The following DPP6 variants were observed in gnomAD, a reference collection of about 807,000 sequenced individuals.
DPP6 encodes dipeptidyl peptidase like 6.
DPP6 carries 69 observed loss-of-function variants against 122.6 expected under a neutral mutation model. The ratio of observed to expected loss-of-function variants is 0.56; its 90% CI spans 0.46 to 0.69. DPP6 has a LOEUF of 0.69. Among genes scored for constraint, DPP6 ranks in the 30% least tolerant of loss-of-function variants. The pLI is 0.00. For synonymous variants in DPP6, 418 were observed against 433.1 expected, an observed-to-expected ratio of 0.97 and a Z score of 0.43; for missense variants, 928 against 1,116.9, an observed-to-expected ratio of 0.83 and a Z score of 2.41.
intron 1 of DPP6, among the ~76,000 whole-genome samples, chr7:154,442,591 G>T (rs1030156659): frequency 6.6e-6 from 1 of 152,152 alleles, no homozygotes; most frequent in Admixed American, 6.5e-5. Context: ...GGGTATGAGC[G>T]GAGTAGGGTA....
In DPP6 at chr7:154,755,474, CT is replaced by C. The variant is rs11316021; in HGVS notation, c.884-13936del. Reference sequence around the variant, plus strand: ...TGTGAGCTTCGGCACATTATTTAAACTTTTTTTCCCTTAGTTCCCTTAAGGG... The same window carrying C: ...TGTGAGCTTCGGCACATTATTTAAACTTTTTTCCCTTAGTTCCCTTAAGGG... On this transcript the variant is annotated intron_variant, in intron 8 of 25. Transcript: ENST00000377770. This position sits in a 1 kb window ranked among gnomAD's most constrained non-coding sequence, Gnocchi z 4.7. Among the ~76,000 whole-genome samples the C allele has an allele frequency of 0.41, 62,018 of 151,840 alleles. 14,022 individuals carry two copies. The highest frequency in any genetic ancestry group is 0.59 in the African/African-American group (24,445 of 41,372).
At chr7:154,587,505 C>A in intron 5 of DPP6, 3 of 823,292 alleles carry the variant, frequency 3.6e-6, no homozygotes, top group Non-Finnish European at 5.6e-6. Flanking sequence ...AAATATTGTA[C>A]CTCTGCTTGA....
chr7:154,249,229 T>G (rs1003881685), intron 1 of DPP6, among the ~76,000 whole-genome samples: 2 of 152,230 alleles, frequency 1.3e-5, no homozygotes, highest in Non-Finnish European at 2.9e-5. Flanking sequence ...GCTCTCTCTT[T>G]CAACATATTA....
At chr7:154,889,945 T>C (rs1249431706) in intron 25 of DPP6, 5 of 196,920 alleles carry the variant, frequency 2.5e-5, no homozygotes, top group Non-Finnish European at 5.2e-5. Context: ...TGCTTCCCTC[T>C]GACCAACACC....
chr7:154,575,442 G>GGGTGTGTGTGTGTGTGGTA (rs1586663103), intron 5 of DPP6, among the ~76,000 whole-genome samples: 2 of 104,746 alleles, frequency 1.9e-5, no homozygotes, highest in East Asian at 3.4e-4. Flanking sequence ...TATGTGTGTG[G>GGGTGTGTGTGTGTGTGGTA]TGTGTGTATG....
At chr7:154,639,201 A>G (rs1031975538) in intron 6 of DPP6, among the ~76,000 whole-genome samples, 4 of 152,364 alleles carry the variant, frequency 2.6e-5, no homozygotes, top group Admixed American at 6.5e-5. Context: ...CAAAGGGAAG[A>G]CGCATGTGGA....
At chr7:154,689,556 AT>A (rs59359798) in intron 7 of DPP6, among the ~76,000 whole-genome samples, 8,252 of 152,070 alleles carry the variant, frequency 0.054, 307 homozygotes, top group African/African-American at 0.1. Flanking sequence ...ACCTAGCTAG[AT>A]TTTTTTAACA....
intron 1 of DPP6, among the ~76,000 whole-genome samples, chr7:154,219,711 A>G (rs1239927611): frequency 6.6e-6 from 1 of 151,720 alleles, no homozygotes; most frequent in East Asian, 1.9e-4. Context: ...TCAGCCTCCC[A>G]AGTAGCTGGG....
At chr7:154,847,249 A>G (rs188915549) in intron 16 of DPP6, among the ~76,000 whole-genome samples, 22 of 152,322 alleles carry the variant, frequency 1.4e-4, no homozygotes, top group Admixed American at 1.4e-3. Context: ...GACCGTACCA[A>G]ATATGTTACA....
chr7:154,341,206 T>C lies in DPP6; in HGVS notation c.244-105008T>C, dbSNP rs533716215. Among the ~76,000 whole-genome samples, 450 of 152,204 alleles carry C rather than the reference T, an allele frequency of 3.0e-3. 3 individuals are homozygous for C. The highest frequency in any genetic ancestry group is 0.01 in the African/African-American group (426 of 41,532). Reference sequence around the variant, plus strand: ...TGATGCCAAATAGGGTTTTTAAGAATGGGGCGAAAGGTGAAGGTGTCAAGT... The same window carrying C: ...TGATGCCAAATAGGGTTTTTAAGAACGGGGCGAAAGGTGAAGGTGTCAAGT... On this transcript the variant is annotated intron_variant, in intron 1 of 25. Coordinates refer to ENST00000377770, the MANE Select transcript of DPP6 (RefSeq NM_130797.4).
intron 4 of DPP6, among the ~76,000 whole-genome samples, chr7:154,558,836 T>C (rs1184827923): frequency 6.6e-6 from 1 of 152,230 alleles, no homozygotes; most frequent in Admixed American, 6.5e-5. Context: ...CACTATGGAA[T>C]AACCCTTAAA....
intron 1 of DPP6, among the ~76,000 whole-genome samples, chr7:153,924,140 G>C (rs1800778772): frequency 6.6e-6 from 1 of 151,138 alleles, no homozygotes; most frequent in South Asian, 2.1e-4. Context: ...TTTTCGAGAC[G>C]GAGTCTTGCT....
At chr7:154,051,665 G>T (rs1169112183), upstream of DPP6, among the ~76,000 whole-genome samples, 36 of 150,846 alleles carry the variant, frequency 2.4e-4, no homozygotes, top group East Asian at 6.8e-3. Context: ...GGAGAGCCGA[G>T]CCTCCGCCTG....
At chr7:154,505,472 T>A (rs1398945985) in intron 3 of DPP6, among the ~76,000 whole-genome samples, 1 of 152,174 alleles carries the variant, frequency 6.6e-6, no homozygotes, top group Non-Finnish European at 1.5e-5. Context: ...CTCCCAAGGA[T>A]CCCATCCGGG....
At chr7:154,015,164 C>G (rs546618143) in intron 1 of DPP6, among the ~76,000 whole-genome samples, 2 of 152,016 alleles carry the variant, frequency 1.3e-5, no homozygotes, top group Non-Finnish European at 2.9e-5. Flanking sequence ...ACTTTTATGG[C>G]CTTTATCTAA....
At chr7:154,743,717 C>A (rs1157274713) in intron 8 of DPP6, among the ~76,000 whole-genome samples, 1 of 151,704 alleles carries the variant, frequency 6.6e-6, no homozygotes, top group Non-Finnish European at 1.5e-5. Context: ...TTCAAACATA[C>A]TCCAGTCCCA....
intron 1 of DPP6, among the ~76,000 whole-genome samples, chr7:154,066,640 G>A (rs906617053): frequency 1.7e-4 from 26 of 151,638 alleles, no homozygotes; most frequent in African/African-American, 5.8e-4. Flanking sequence ...GAGTAGGAGC[G>A]AAGAAAGTGA....
At chr7:154,636,396 C>T (rs983786884) in intron 5 of DPP6, among the ~76,000 whole-genome samples, 16 of 152,218 alleles carry the variant, frequency 1.1e-4, no homozygotes, top group Admixed American at 1.3e-4. Flanking sequence ...CTTCCTTCTC[C>T]TGGGCAAGCA....
intron 1 of DPP6, among the ~76,000 whole-genome samples, chr7:154,264,041 C>G (rs762865833): frequency 1.3e-5 from 2 of 152,058 alleles, no homozygotes; most frequent in African/African-American, 4.8e-5. Context: ...GAAGGTGGTA[C>G]ACTATAAAGA....
Sources: allele counts gnomAD v4.1 joint callset (sites outside exome capture counted in the v4.1 genomes callset), GRCh38; gene constraint gnomAD v4.1.1; non-coding constraint Gnocchi (gnomAD v3.1); transcripts MANE v1.5; gene names NCBI Gene and HGNC (gene_info 2026-07-23, HGNC 2026-07-21).